Variants in SLC48A1 observed in about 807,000 individuals in gnomAD.
SLC48A1 encodes heme transporter HRG1.
SLC48A1 carries 6 observed loss-of-function variants against 14.8 expected under a neutral mutation model. That is an observed-to-expected ratio of 0.41 (90% CI 0.22 to 0.80). The LOEUF is 0.80. Among genes scored for constraint, SLC48A1 ranks in the 30% least tolerant of loss-of-function variants. SLC48A1 has a pLI of 0.34. For synonymous variants in SLC48A1, 89 were observed against 90.0 expected (o/e 0.99, Z 0.06); for missense variants, 165 against 204.8 (o/e 0.81, Z 1.19).
chr12:47,774,334 C>T (rs973790154), intron 1 of SLC48A1, among the ~76,000 whole-genome samples: 1 of 152,194 alleles, frequency 6.6e-6, no homozygotes, highest in Non-Finnish European at 1.5e-5. Context: ...TGTTAAGCAA[C>T]CTGCTTCCCT....
At position 47,759,905 on chromosome 12, in the gene SLC48A1, T is replaced by G. The variant is rs564586618; in HGVS notation, c.-372-311T>G. Among the ~76,000 whole-genome samples the G allele has an allele frequency of 8.5e-4, 130 of 152,066 alleles. 1 individual carries two copies. The highest frequency in any genetic ancestry group is 3.0e-3 in the African/African-American group (125 of 41,454). ...TATCTCTAAAAAGCCTATACCCCAATTTTGGGATGCCAAGCCCGCATCCTC... is the reference window on the plus strand; with the variant it reads ...TATCTCTAAAAAGCCTATACCCCAAGTTTGGGATGCCAAGCCCGCATCCTC... On this transcript the variant is annotated intron_variant, in intron 1 of 4. Coordinates refer to the SLC48A1 transcript ENST00000547002.
chr12:47,754,281 A>T, upstream of SLC48A1, among the ~76,000 whole-genome samples: 1 of 152,260 alleles, frequency 6.6e-6, no homozygotes, highest in East Asian at 1.9e-4. Flanking sequence ...CAGTAGAGGT[A>T]TTCTGCCTTC....
At chr12:47,760,469 C>T in intron 2 of SLC48A1, 3 of 939,254 alleles carry the variant, frequency 3.2e-6, no homozygotes, top group Non-Finnish European at 3.8e-6. Flanking sequence ...GTGCCCTGGC[C>T]TAGAAGTTCT....
intron 2 of SLC48A1, among the ~76,000 whole-genome samples, chr12:47,765,230 GGGAAACAGAAAAGTGGGGAA>G (rs1351464820): frequency 7.9e-5 from 12 of 151,776 alleles, no homozygotes; most frequent in East Asian, 1.9e-4. Flanking sequence ...GGTCCACAGA[GGGAAACAGAAAAGTGGGGAA>G]GGAAACAGAA....
chr12:47,759,220 A>AG, intron 1 of SLC48A1: 1 of 547,890 alleles, frequency 1.8e-6, no homozygotes, highest in Non-Finnish European at 2.3e-6. Flanking sequence ...GAGAGCGGGG[A>AG]GGGGGTGAGT....
At chr12:47,775,637 A>C (rs1488773759) in intron 1 of SLC48A1, among the ~76,000 whole-genome samples, 1 of 152,142 alleles carries the variant, frequency 6.6e-6, no homozygotes, top group African/African-American at 2.4e-5. Flanking sequence ...ACGTGTGAGC[A>C]CCCTACTTCT....
upstream of SLC48A1, among the ~76,000 whole-genome samples, chr12:47,755,519 T>C (rs957342880): frequency 6.6e-6 from 1 of 152,202 alleles, no homozygotes; most frequent in Admixed American, 6.5e-5. Flanking sequence ...CAGGTCACTC[T>C]GATCTTGCCC....
chr12:47,766,359 T>C (rs1415765700), intron 2 of SLC48A1, among the ~76,000 whole-genome samples: 1 of 152,108 alleles, frequency 6.6e-6, no homozygotes, highest in African/African-American at 2.4e-5. Flanking sequence ...TGCTGCAACC[T>C]GCCCTTCTCC....
upstream of SLC48A1, chr12:47,757,993 A>C: frequency 6.4e-7 from 1 of 1,572,894 alleles, no homozygotes; most frequent in Non-Finnish European, 8.6e-7. Context: ...CACGTCAGGG[A>C]GGGCTCCCAC....
At position 47,766,137 on chromosome 12, in the gene SLC48A1, C is replaced by T. The variant is rs541920208; in HGVS notation, c.-187+5736C>T. On this transcript the variant is annotated intron_variant, in intron 2 of 4. Transcript: ENST00000547002. The stretch of plus-strand genomic sequence containing the variant: ...TAAGAGCCTTATTTCTAGTCTTTTC[C>T]TTCACCCAGTGCCCATTCAGCTGGA... Among the ~76,000 whole-genome samples the T allele has an allele frequency of 5.3e-5, 8 of 152,334 alleles. No individual in the cohort carries two copies. In the East Asian group the frequency reaches 1.4e-3, roughly 26 times the overall value.
chr12:47,760,842 A>G (rs1403638713), intron 2 of SLC48A1, among the ~76,000 whole-genome samples: 2 of 152,044 alleles, frequency 1.3e-5, no homozygotes. Context: ...TACTGCGTAT[A>G]CTCTGTATGT....
chr12:47,775,085 A>G (rs1942716112), intron 1 of SLC48A1, among the ~76,000 whole-genome samples: 1 of 151,904 alleles, frequency 6.6e-6, no homozygotes, highest in African/African-American at 2.4e-5. Flanking sequence ...TGGCCGTTTG[A>G]CCCTATCCTG....
chr12:47,759,281 T>A (rs1942290525), intron 1 of SLC48A1: 1 of 211,044 alleles, frequency 4.7e-6, no homozygotes. Context: ...GCTTCCCGGC[T>A]GGGGGTGTCT....
upstream of SLC48A1, among the ~76,000 whole-genome samples, chr12:47,757,382 T>C (rs1057210281): frequency 6.6e-6 from 1 of 152,054 alleles, no homozygotes. Flanking sequence ...CAAAGGCAGG[T>C]ACCAAGCAGT....
rs559735197 is a variant in SLC48A1, at chr12:47,761,455, A to G, written c.-187+1054A>G. On this transcript the variant is annotated intron_variant, in intron 2 of 4. Transcript: ENST00000547002. ...AGCCTGGGGAGATCATAGGGAGTAG[A>G]TCTTTTATGTGTCCCATTTCTAGCT... 1.8e-3 allele frequency among the ~76,000 whole-genome samples: 270 copies of G among 152,308 alleles called. 2 individuals carry two copies. The highest frequency in any genetic ancestry group is 6.1e-3 in the African/African-American group (255 of 41,566).
chr12:47,760,830 T>C (rs1469522401), intron 2 of SLC48A1, among the ~76,000 whole-genome samples: 1 of 152,180 alleles, frequency 6.6e-6, no homozygotes, highest in African/African-American at 2.4e-5. Context: ...CTCACCATGG[T>C]ATACTGCGTA....
intron 1 of SLC48A1, chr12:47,758,816 G>C: frequency 8.1e-7 from 1 of 1,233,026 alleles, no homozygotes; most frequent in Non-Finnish European, 1.0e-6. Context: ...AGGGAGCCCC[G>C]AGCCTGCGCC....
chr12:47,774,125 A>G (rs539752256), intron 1 of SLC48A1, among the ~76,000 whole-genome samples: 1 of 152,208 alleles, frequency 6.6e-6, no homozygotes, highest in South Asian at 2.1e-4. Context: ...CCTGCAGGCC[A>G]GCCGCCCTTT....
chr12:47,758,846 C>G lies in SLC48A1; in HGVS notation c.-373+186C>G, dbSNP rs1219907861. 3 of 1,195,856 alleles carry G rather than the reference C, an allele frequency of 2.5e-6. No individual in the cohort carries two copies. The African/African-American group carries it at 4.7e-5, about 19-fold the overall frequency. 74.1% of individuals were successfully genotyped at this position (1,195,856 alleles called of 1,614,324 possible). Reference sequence around the variant, plus strand: ...TGCGCCTTCGTCTCAGACGAAGGAGCCAGCTGGCACCGGGCGCTGAAGCAA... The same window carrying G: ...TGCGCCTTCGTCTCAGACGAAGGAGGCAGCTGGCACCGGGCGCTGAAGCAA... On this transcript the variant is annotated intron_variant, in intron 1 of 4. Transcript: ENST00000547002.
Sources: allele counts gnomAD v4.1 joint callset (sites outside exome capture counted in the v4.1 genomes callset), GRCh38; gene constraint gnomAD v4.1.1; transcripts MANE v1.5; gene names NCBI Gene and HGNC (gene_info 2026-07-23, HGNC 2026-07-21).